Variants in CAMK4 observed in about 807,000 individuals in gnomAD.
The protein encoded by CAMK4 is calcium/calmodulin-dependent protein kinase type IV.
A neutral mutation model predicts 44.9 loss-of-function variants in CAMK4; 22 were observed. The observed-to-expected ratio is 0.49, with a 90% CI of 0.35 to 0.70. CAMK4 has a LOEUF of 0.70. Among genes scored for constraint, CAMK4 ranks in the 30% least tolerant of loss-of-function variants. CAMK4 has a pLI of 0.01. For missense variants in CAMK4, 498 were observed against 586.8 expected (o/e 0.85, Z 1.56); for synonymous variants, 218 against 215.4 (o/e 1.01, Z -0.11).
At chr5:111,229,150 A>T (rs1333784881) in intron 1 of CAMK4, among the ~76,000 whole-genome samples, 1 of 152,214 alleles carries the variant, frequency 6.6e-6, no homozygotes, top group African/African-American at 2.4e-5. Context: ...TGGTTGATAT[A>T]ACAAGATGTC....
At position 111,224,513 on chromosome 5, in the gene CAMK4, C is replaced by A. The variant is rs767534006; in HGVS notation, c.30C>A (p.Ser10=). 2 of 1,610,488 alleles carry A rather than the reference C, an allele frequency of 1.2e-6. No individual in the cohort carries two copies. Among genetic ancestry groups the A allele is most frequent in the East Asian group, 2.2e-5 (1 of 44,652 alleles). MLKVTVPSC[S]ASSCSSVTAS... Reference sequence around the variant, plus strand: ...TCAAAGTCACGGTGCCCTCCTGCTCCGCCTCGTCCTGCTCTTCGGTCACCG... The same window carrying A: ...TCAAAGTCACGGTGCCCTCCTGCTCAGCCTCGTCCTGCTCTTCGGTCACCG... The change falls in exon 1 of 11, where the codon TCC becomes TCA. Residue 10 remains serine, a synonymous_variant. Transcript: ENST00000282356. The surrounding 1 kb of genome is among the most constrained non-coding windows in gnomAD (Gnocchi z 5.7).
At position 111,345,942 on chromosome 5, in the gene CAMK4, A is replaced by G. The variant is rs1330325965; in HGVS notation, c.240+1840A>G. ...TGGTGCTGTAAGGCAGATGTTGTCA[A>G]ACACAGTTACTACTGTGCCAAATGG... On this transcript the variant is annotated intron_variant, in intron 2 of 10. Coordinates refer to ENST00000282356, the MANE Select transcript of CAMK4 (RefSeq NM_001744.6). Among the ~76,000 whole-genome samples, 4 of 152,126 alleles carry G rather than the reference A, an allele frequency of 2.6e-5. No homozygotes were observed. The East Asian group carries it at 5.8e-4, about 22-fold the overall frequency.
intron 5 of CAMK4, among the ~76,000 whole-genome samples, chr5:111,442,125 T>A (rs996621272): frequency 6.6e-5 from 10 of 152,222 alleles, no homozygotes; most frequent in African/African-American, 2.2e-4. Flanking sequence ...AAGTCTAGTC[T>A]AGGCTAGGCA....
At chr5:111,237,853 C>T (rs1177949774) in intron 1 of CAMK4, among the ~76,000 whole-genome samples, 1 of 152,158 alleles carries the variant, frequency 6.6e-6, no homozygotes, top group Non-Finnish European at 1.5e-5. Context: ...TGTTCCATGT[C>T]TATCTATATT....
intron 1 of CAMK4, among the ~76,000 whole-genome samples, chr5:111,283,458 C>G (rs1037048412): frequency 1.3e-5 from 2 of 152,196 alleles, no homozygotes; most frequent in Non-Finnish European, 2.9e-5. Context: ...TCTGTGCCGT[C>G]AAAAGTATCA....
rs115137471 is a variant in CAMK4 at position 111,353,311 on chromosome 5, A to G, written c.240+9209A>G. 5.5e-3 allele frequency among the ~76,000 whole-genome samples: 839 copies of G among 152,144 alleles called. 9 individuals are homozygous for G. The highest frequency in any genetic ancestry group is 0.019 in the African/African-American group (777 of 41,520). On this transcript the variant is annotated intron_variant, in intron 2 of 10. Transcript: ENST00000282356. ...AGGCTAGCTACCCACAACCACCGAG[A>G]TAGTAAATACAGAGCGAGGTTCTGG...
Position 111,282,120 on chromosome 5 carries a change from C to T in CAMK4, c.161+57476C>T, listed in dbSNP as rs1426981582. On this transcript the variant is annotated intron_variant, in intron 1 of 10. Transcript: ENST00000282356. ...GACTTCCTAATTTATTGCATTTTTT[C>T]TTCATTGCATTGTTTTTCCTCAAAG... Among the ~76,000 whole-genome samples, 4 of 151,578 alleles carry T rather than the reference C, an allele frequency of 2.6e-5. No homozygotes were observed. The South Asian group carries it at 8.3e-4, about 32-fold the overall frequency.
chr5:111,368,713 T>C (rs935872409), intron 2 of CAMK4, among the ~76,000 whole-genome samples: 2 of 152,132 alleles, frequency 1.3e-5, no homozygotes, highest in Non-Finnish European at 2.9e-5. Context: ...CATCATTACT[T>C]AGACTCGTAA....
intron 1 of CAMK4, among the ~76,000 whole-genome samples, chr5:111,320,474 A>G (rs565509821): frequency 6.6e-5 from 10 of 151,134 alleles, no homozygotes; most frequent in African/African-American, 2.2e-4. Context: ...TACTATTCAT[A>G]TATGATATTG....
At chr5:111,458,339 G>T (rs1754493372) in intron 7 of CAMK4, among the ~76,000 whole-genome samples, 1 of 152,200 alleles carries the variant, frequency 6.6e-6, no homozygotes, top group Non-Finnish European at 1.5e-5. Flanking sequence ...TTTAAGCTGT[G>T]TTAGAAGTTT....
At chr5:111,418,599 C>G (rs142731284) in intron 5 of CAMK4, among the ~76,000 whole-genome samples, 1 of 150,174 alleles carries the variant, frequency 6.7e-6, no homozygotes, top group Non-Finnish European at 1.5e-5. Context: ...CACCTCCCCC[C>G]ACCCCACAAC....
At chr5:111,419,694 A>G (rs2112913990) in intron 5 of CAMK4, among the ~76,000 whole-genome samples, 1 of 152,280 alleles carries the variant, frequency 6.6e-6, no homozygotes, top group East Asian at 1.9e-4. Context: ...CATTTATTAA[A>G]TAGGGAATCC....
intron 4 of CAMK4, among the ~76,000 whole-genome samples, chr5:111,392,359 A>G (rs1227114315): frequency 1.3e-5 from 2 of 152,094 alleles, no homozygotes; most frequent in East Asian, 3.9e-4. Context: ...ATGACAACTC[A>G]CTCACAGTCA....
At chr5:111,477,991 GCCT>G (rs1755305740) in intron 8 of CAMK4, among the ~76,000 whole-genome samples, 1 of 151,924 alleles carries the variant, frequency 6.6e-6, no homozygotes, top group Non-Finnish European at 1.5e-5. Flanking sequence ...ATCTCTGTCT[GCCT>G]GTCTGTCTGT....
intron 1 of CAMK4, among the ~76,000 whole-genome samples, chr5:111,301,983 G>A (rs545644679): frequency 6.6e-6 from 1 of 152,182 alleles, no homozygotes. Context: ...TTGATGTAAT[G>A]ATTTAACTGG....
chr5:111,372,856 A>C lies in CAMK4; in HGVS notation c.241-1994A>C, dbSNP rs113280558. Among the ~76,000 whole-genome samples, 1,202 of 152,198 alleles carry C rather than the reference A, an allele frequency of 7.9e-3. 14 individuals carry two copies. Among genetic ancestry groups the C allele is most frequent in the African/African-American group, 0.027 (1,117 of 41,496 alleles). Reference sequence around the variant, plus strand: ...GCTGCAAAAGCTCCAGAGCCTATCAATTTGATGTACAGTCACTAGAGTTAG... The same window carrying C: ...GCTGCAAAAGCTCCAGAGCCTATCACTTTGATGTACAGTCACTAGAGTTAG... On this transcript the variant is annotated intron_variant, in intron 2 of 10. Transcript: ENST00000282356.
At chr5:111,466,711 G>C (rs1202357594) in intron 7 of CAMK4, among the ~76,000 whole-genome samples, 2 of 151,860 alleles carry the variant, frequency 1.3e-5, no homozygotes, top group Admixed American at 6.6e-5. Context: ...GACACAAATG[G>C]GACATGTCCC....
intron 1 of CAMK4, among the ~76,000 whole-genome samples, chr5:111,318,207 C>T (rs1347167187): frequency 6.6e-6 from 1 of 152,014 alleles, no homozygotes; most frequent in Non-Finnish European, 1.5e-5. Context: ...TAAGTAATAG[C>T]CTGAAAAAGG....
intron 2 of CAMK4, among the ~76,000 whole-genome samples, chr5:111,350,906 ATGT>A (rs1750078612): frequency 6.6e-6 from 1 of 152,070 alleles, no homozygotes; most frequent in Admixed American, 6.6e-5. Context: ...TATAACTATG[ATGT>A]TGCAGGGCAA....
Sources: allele counts gnomAD v4.1 joint callset (sites outside exome capture counted in the v4.1 genomes callset), GRCh38; gene constraint gnomAD v4.1.1; non-coding constraint Gnocchi (gnomAD v3.1); transcripts MANE v1.5; gene names NCBI Gene and HGNC (gene_info 2026-07-23, HGNC 2026-07-21).